Variants in MYOM1 observed in about 807,000 individuals in gnomAD.
The protein encoded by MYOM1 is myomesin-1.
In MYOM1, 164 loss-of-function variants were observed where a neutral mutation model predicts 205.3. That is an observed-to-expected ratio of 0.80 (90% CI 0.70 to 0.91). The LOEUF (loss-of-function observed/expected upper bound fraction) is 0.91. Among genes scored for constraint, MYOM1 ranks in the 40% least tolerant of loss-of-function variants. MYOM1 has a pLI of 0.00. For synonymous variants in MYOM1, 772 were observed against 789.4 expected (o/e 0.98, Z 0.37); for missense variants, 2,011 against 2,127.3 (o/e 0.95, Z 1.08).
At chr18:3,195,311 G>A (rs561365639) in intron 2 of MYOM1, among the ~76,000 whole-genome samples, 21 of 152,292 alleles carry the variant, frequency 1.4e-4, no homozygotes, top group Non-Finnish European at 4.4e-5. Context: ...TTTCTATGAT[G>A]AGCATTAAAA....
the MYOM1 span, among the ~76,000 whole-genome samples, chr18:3,230,099 C>T: frequency 1.1e-4 from 16 of 151,856 alleles, no homozygotes; most frequent in Middle Eastern, 3.4e-3. Flanking sequence ...TGGCTTTCCT[C>T]TTCTGTGAGG....
At chr18:3,222,231 C>T (rs2081335545), upstream of MYOM1, among the ~76,000 whole-genome samples, 1 of 152,086 alleles carries the variant, frequency 6.6e-6, no homozygotes, top group Non-Finnish European at 1.5e-5. Context: ...TTCATATGAG[C>T]CCAAGTTTTT....
chr18:3,184,589 T>C (rs1280029623), intron 5 of MYOM1, among the ~76,000 whole-genome samples: 1 of 152,230 alleles, frequency 6.6e-6, no homozygotes, highest in Admixed American at 6.5e-5. Context: ...GTTTTTTTGT[T>C]TTTTTAGCTC....
upstream of MYOM1, among the ~76,000 whole-genome samples, chr18:3,223,339 AT>A (rs958840726): frequency 6.6e-6 from 1 of 152,084 alleles, no homozygotes; most frequent in Non-Finnish European, 1.5e-5. Flanking sequence ...ATTTTTGTTC[AT>A]TTTTTCTTCA....
At chr18:3,127,019 G>A in intron 18 of MYOM1, 122 bp from the exon 19 acceptor site, 3 of 828,722 alleles carry the variant, frequency 3.6e-6, no homozygotes, top group Non-Finnish European at 5.6e-6. Context: ...AAAATTCGAG[G>A]CTGATGAACT....
chr18:3,116,583 C>G lies in MYOM1; in HGVS notation c.3119-68G>C, dbSNP rs968779578. On this transcript the variant is annotated intron_variant, in intron 20 of 37. Transcript: ENST00000356443. Reference sequence around the variant, plus strand: ...AAACTCGTCTCCACACGTTTAGAACCACTTGTAAGTCTTCAAGCTAATCTA... The same window carrying G: ...AAACTCGTCTCCACACGTTTAGAACGACTTGTAAGTCTTCAAGCTAATCTA... The G allele has an allele frequency of 5.1e-6, 7 of 1,375,872 alleles. No individual in the cohort carries two copies. The African/African-American group carries it at 1.0e-4, about 20-fold the overall frequency. The allele number at this position is 1,375,872 out of a possible 1,614,324, so 85.2% of individuals were successfully genotyped here.
chr18:3,225,731 T>C, the MYOM1 span, among the ~76,000 whole-genome samples: 1 of 152,182 alleles, frequency 6.6e-6, no homozygotes, highest in South Asian at 2.1e-4. Flanking sequence ...CCCAAGGCCA[T>C]GGAAAGTTGA....
chr18:3,094,053 A>T, intron 26 of MYOM1, 117 bp downstream of exon 26: 1 of 1,006,412 alleles, frequency 9.9e-7, no homozygotes, highest in Non-Finnish European at 1.4e-6. Context: ...AGAAGGATTT[A>T]AACTCTCCCA....
At chr18:3,221,680 C>G (rs551698706), upstream of MYOM1, among the ~76,000 whole-genome samples, 2 of 152,314 alleles carry the variant, frequency 1.3e-5, no homozygotes, top group Admixed American at 6.5e-5. Context: ...AATGGCAATA[C>G]GGGTCTTCAC....
chr18:3,160,433 A>T (rs570669214), intron 10 of MYOM1, among the ~76,000 whole-genome samples: 21 of 152,150 alleles, frequency 1.4e-4, no homozygotes, highest in East Asian at 1.9e-4. Flanking sequence ...AGATCCTCCT[A>T]TCTTGGCCTC....
rs775303637 is a variant in MYOM1 at position 3,086,123 on chromosome 18, A to T, written c.4166T>A (p.Ile1389Asn). The change falls in exon 30 of 38, where the codon ATT becomes AAT. Residue 1389 changes from isoleucine to asparagine, a missense_variant. Transcript: ENST00000356443. Reference sequence around the variant, plus strand: ...CTCCCTCTCATCTTTGTACCACACAATATGAGTCTCCTTCTTAATATTTGC... The same window carrying T: ...CTCCCTCTCATCTTTGTACCACACATTATGAGTCTCCTTCTTAATATTTGC... ...KVANIKKETH[I>N]VWYKDEREIS... is the part of the protein sequence containing the mutation. 27 of 1,606,376 alleles carry T rather than the reference A, an allele frequency of 1.7e-5. No individual in the cohort carries two copies. Among genetic ancestry groups the T allele is most frequent in the Non-Finnish European group, 2.3e-5 (27 of 1,177,620 alleles).
In MYOM1 at chr18:3,067,224, A is replaced by G; in HGVS notation, c.*38T>C. On this transcript the variant is annotated 3_prime_UTR_variant, in exon 38 of 38. Coordinates refer to ENST00000356443, the MANE Select transcript of MYOM1 (RefSeq NM_003803.4). ...TCCTTAACCCAAACCATTCACACCC[A>G]AGTCACACAGGCCGGCTGGCTCTCC... 2 of 1,547,382 alleles carry G rather than the reference A, an allele frequency of 1.3e-6. No individual in the cohort carries two copies. The highest frequency in any genetic ancestry group is 1.7e-6 in the Non-Finnish European group (2 of 1,143,754).
At chr18:3,076,302 A>C (rs1598647311) in intron 34 of MYOM1, among the ~76,000 whole-genome samples, 1 of 152,274 alleles carries the variant, frequency 6.6e-6, no homozygotes, top group South Asian at 2.1e-4. Context: ...TCCTGACCTT[A>C]AGTGATTTGC....
intron 18 of MYOM1, among the ~76,000 whole-genome samples, chr18:3,127,132 T>TGAAA (rs2079798875): frequency 6.6e-6 from 1 of 151,766 alleles, no homozygotes; most frequent in African/African-American, 2.4e-5. Context: ...TACAATACCC[T>TGAAA]GAAAGAAAAT....
chr18:3,082,072 T>G (rs1315319820), intron 33 of MYOM1, among the ~76,000 whole-genome samples: 1 of 152,238 alleles, frequency 6.6e-6, no homozygotes, highest in Non-Finnish European at 1.5e-5. Context: ...CCTAGATCCC[T>G]CGCATGCGCA....
intron 26 of MYOM1, among the ~76,000 whole-genome samples, chr18:3,091,468 G>T (rs2079225857): frequency 6.6e-6 from 1 of 150,718 alleles, no homozygotes; most frequent in Non-Finnish European, 1.5e-5. Context: ...AACAGAAGGA[G>T]ACCATGTCTA....
upstream of MYOM1, among the ~76,000 whole-genome samples, chr18:3,224,123 G>A (rs907353047): frequency 3.3e-5 from 5 of 151,382 alleles, no homozygotes; most frequent in Admixed American, 2.6e-4. Context: ...CCACCTCCCA[G>A]GTTCAAGAGA....
intron 19 of MYOM1, among the ~76,000 whole-genome samples, chr18:3,123,244 T>C (rs1034425822): frequency 6.6e-6 from 1 of 152,150 alleles, no homozygotes; most frequent in African/African-American, 2.4e-5. Context: ...GCAGATGATA[T>C]GAATATACAT....
At chr18:3,161,945 A>G (rs1053294176) in intron 10 of MYOM1, among the ~76,000 whole-genome samples, 1 of 152,214 alleles carries the variant, frequency 6.6e-6, no homozygotes. Flanking sequence ...GCATTTACAC[A>G]CATAAAATAA....
Sources: gnomAD v4.1 joint callset for allele counts (sites outside exome capture counted in the v4.1 genomes callset) on GRCh38, gnomAD v4.1.1 for gene constraint, MANE v1.5 for transcripts, NCBI Gene and HGNC (gene_info 2026-07-23, HGNC 2026-07-21) for gene names.